PYROXD2: variants seen among roughly 807,000 people sequenced by gnomAD.
PYROXD2 encodes the protein pyridine nucleotide-disulphide oxidoreductase domain 2.
PYROXD2 carries 69 observed loss-of-function variants against 71.1 expected under a neutral mutation model. The observed-to-expected ratio is 0.97, with a 90% CI of 0.80 to 1.19. PYROXD2 has a LOEUF of 1.19. Ranked by LOEUF, PYROXD2 falls within the 50% of genes most tolerant of loss-of-function variation. PYROXD2 has a pLI of 0.00. For missense variants in PYROXD2, 745 were observed against 748.9 expected, an observed-to-expected ratio of 0.99 and a Z score of 0.06; for synonymous variants, 287 against 302.7, an observed-to-expected ratio of 0.95 and a Z score of 0.54.
intron 1 of PYROXD2, chr10:98,411,242 G>A (rs1203856401): frequency 1.1e-5 from 5 of 450,430 alleles, no homozygotes; most frequent in East Asian, 3.9e-5. Flanking sequence ...GCTCATGAGA[G>A]CATCGCCAGG....
At chr10:98,406,538 A>G (rs1161356550) in intron 4 of PYROXD2, among the ~76,000 whole-genome samples, 2 of 152,240 alleles carry the variant, frequency 1.3e-5, no homozygotes, top group Admixed American at 1.3e-4. Context: ...AGAGCAGCCA[A>G]AGAGCTGTGA....
chr10:98,411,797 A>C (rs1843799001), intron 1 of PYROXD2: 1 of 152,214 alleles, frequency 6.6e-6, no homozygotes, highest in African/African-American at 2.4e-5. Flanking sequence ...AAGTTTCATG[A>C]GCTAAAATTA....
chr10:98,401,704 T>TA (rs1843417659), intron 4 of PYROXD2, among the ~76,000 whole-genome samples: 1 of 152,126 alleles, frequency 6.6e-6, no homozygotes, highest in African/African-American at 2.4e-5. Flanking sequence ...CGCTAAAAAG[T>TA]AAAATGCAAA....
intron 12 of PYROXD2, 64 bp downstream of exon 12, chr10:98,390,534 G>C (rs1842910336): frequency 1.3e-6 from 2 of 1,495,814 alleles, no homozygotes; most frequent in Middle Eastern, 1.8e-4. Context: ...GGGTGGCATG[G>C]ACAGCCCCGC....
chr10:98,409,493 G>A (rs1244197078), intron 2 of PYROXD2, among the ~76,000 whole-genome samples: 3 of 152,138 alleles, frequency 2.0e-5, no homozygotes, highest in Admixed American at 6.5e-5. Flanking sequence ...GAGTTCCCTC[G>A]CTGCAAAGAG....
intron 13 of PYROXD2, 193 bp downstream of exon 13, chr10:98,388,161 C>T: frequency 3.3e-6 from 2 of 601,968 alleles, no homozygotes; most frequent in Non-Finnish European, 5.9e-6. Flanking sequence ...GGAACTGTGT[C>T]TTCTTGACTT....
intron 2 of PYROXD2, among the ~76,000 whole-genome samples, chr10:98,409,513 A>C (rs1254567414): frequency 6.6e-6 from 1 of 152,226 alleles, no homozygotes; most frequent in South Asian, 2.1e-4. Context: ...GCAAGAAACC[A>C]AACTAGACTA....
At chr10:98,388,996 C>T (rs768831596) in intron 12 of PYROXD2, among the ~76,000 whole-genome samples, 3 of 152,160 alleles carry the variant, frequency 2.0e-5, no homozygotes, top group Non-Finnish European at 4.4e-5. Context: ...TTGCCTGCCA[C>T]ACCTTTTCTA....
chr10:98,396,991 C>G (rs1564801150), intron 6 of PYROXD2, among the ~76,000 whole-genome samples: 1 of 152,224 alleles, frequency 6.6e-6, no homozygotes, highest in Non-Finnish European at 1.5e-5. Context: ...AGGGCCCACA[C>G]AGGTCCAGCA....
At chr10:98,395,628 A>G (rs901920892) in intron 6 of PYROXD2, among the ~76,000 whole-genome samples, 176 bp from the exon 7 acceptor site, 2 of 152,188 alleles carry the variant, frequency 1.3e-5, no homozygotes, top group Non-Finnish European at 2.9e-5. Flanking sequence ...CACTAGCTGC[A>G]GTGCCTGGGA....
chr10:98,398,297 G>GCCTCCT (rs1843270040), intron 5 of PYROXD2, among the ~76,000 whole-genome samples: 1 of 152,074 alleles, frequency 6.6e-6, no homozygotes, highest in African/African-American at 2.4e-5. Flanking sequence ...ACAGAAGCCT[G>GCCTCCT]CCTCCTCTCA....
At chr10:98,387,108 A>T in intron 14 of PYROXD2, 93 bp downstream of exon 14, 1 of 929,734 alleles carries the variant, frequency 1.1e-6, no homozygotes, top group Non-Finnish European at 1.7e-6. Flanking sequence ...AAAGCTGAGT[A>T]TGGAGGGACA....
rs1211304816 is a variant in PYROXD2 at position 98,390,648 on chromosome 10, G to A, written c.1242C>T (p.Leu414=). Residue 414 remains leucine, a synonymous_variant, in exon 12 of 16, where the codon CTC becomes CTT. Coordinates refer to ENST00000370575, the MANE Select transcript of PYROXD2 (RefSeq NM_032709.3). ...CSIHLNCEDT[L]LLHQAFEDAM... is the part of the protein sequence containing the mutation. ...CATCTTCAAAGGCCTGATGAAGGAG[G>A]AGGGTGTCTTCACAGTTCAGGTGGA... 1.2e-6 allele frequency: 2 copies of A among 1,612,232 alleles called. No individual in the cohort carries two copies. The highest frequency in any genetic ancestry group is 1.7e-4 in the Middle Eastern group (1 of 6,048).
chr10:98,403,435 A>G (rs1843490225), intron 4 of PYROXD2, among the ~76,000 whole-genome samples: 1 of 152,126 alleles, frequency 6.6e-6, no homozygotes, highest in African/African-American at 2.4e-5. Flanking sequence ...ACCTTTGTAA[A>G]GTCACAAATC....
chr10:98,388,107 T>C (rs1842816791), intron 13 of PYROXD2: 2 of 505,560 alleles, frequency 4.0e-6, no homozygotes, highest in East Asian at 3.8e-5. Flanking sequence ...GTTTCTTAAT[T>C]AGTCTCCTCC....
chr10:98,407,660 A>G lies in PYROXD2; in HGVS notation c.242-5T>C. ...ACGCGCGGGAGAACTTAAACCCTGAAACCGAATCCGATGAAGACTGTCACC... is the reference window on the plus strand; with the variant it reads ...ACGCGCGGGAGAACTTAAACCCTGAGACCGAATCCGATGAAGACTGTCACC... On this transcript the variant is annotated splice_region_variant and splice_polypyrimidine_tract_variant and intron_variant, in intron 3 of 15. Transcript: ENST00000370575. 1 of 1,613,806 alleles carries G rather than the reference A, an allele frequency of 6.2e-7. No homozygotes were observed.
rs752081912 is a variant in PYROXD2 at position 98,397,505 on chromosome 10, C to T, written c.472-7G>A. ...CCTCATATTTGGGAAAGACCTGGAA[C>T]AGAGCTCTGCATTAAGGCCCCACTG... On this transcript the variant is annotated splice_region_variant and splice_polypyrimidine_tract_variant and intron_variant, in intron 5 of 15. Coordinates refer to ENST00000370575, the MANE Select transcript of PYROXD2 (RefSeq NM_032709.3). 3.8e-6 allele frequency: 6 copies of T among 1,588,464 alleles called. No individual in the cohort carries two copies. The East Asian group carries it at 6.8e-5, about 18-fold the overall frequency.
In PYROXD2 at chr10:98,403,344, AC is replaced by A. The variant is rs772848699; in HGVS notation, c.316-3088del. On this transcript the variant is annotated intron_variant, in intron 4 of 15. Transcript: ENST00000370575. ...GTCTCTCCAAGCCGCCATTTTGGGAACCGCTGCAGCGGCGGCCTAGTGCTCC... is the reference window on the plus strand; with the variant it reads ...GTCTCTCCAAGCCGCCATTTTGGGAACGCTGCAGCGGCGGCCTAGTGCTCC... 6.2e-4 allele frequency among the ~76,000 whole-genome samples: 95 copies of A among 152,282 alleles called. 1 individual carries two copies. The highest frequency in any genetic ancestry group is 6.0e-3 in the South Asian group (29 of 4,826).
chr10:98,397,924 C>T (rs1843252062), intron 5 of PYROXD2, among the ~76,000 whole-genome samples: 1 of 143,144 alleles, frequency 7.0e-6, no homozygotes, highest in Non-Finnish European at 1.5e-5. Flanking sequence ...GCTCTGTGAC[C>T]CAGGCTGGAG....
Sources: allele counts gnomAD v4.1 joint callset (sites outside exome capture counted in the v4.1 genomes callset), GRCh38; gene constraint gnomAD v4.1.1; transcripts MANE v1.5; gene names NCBI Gene and HGNC (gene_info 2026-07-23, HGNC 2026-07-21).